Variants in LRCH3 observed in about 807,000 individuals in gnomAD.
LRCH3 encodes DISP complex protein LRCH3.
In LRCH3, 68 loss-of-function variants were observed where a neutral mutation model predicts 104.5. That is an observed-to-expected ratio of 0.65 (90% CI 0.54 to 0.80). The LOEUF is 0.80. LRCH3 is among the 30% of genes least tolerant of loss of function. LRCH3 has a pLI of 0.00. For synonymous variants in LRCH3, 344 were observed against 361.3 expected, an observed-to-expected ratio of 0.95 and a Z score of 0.54; for missense variants, 951 against 953.9, an observed-to-expected ratio of 1.00 and a Z score of 0.04.
intron 1 of LRCH3, among the ~76,000 whole-genome samples, chr3:197,812,135 T>G (rs907726057): frequency 6.6e-6 from 1 of 152,222 alleles, no homozygotes; most frequent in African/African-American, 2.4e-5. Flanking sequence ...AGAACTTTTT[T>G]CATTATCCCA....
At chr3:197,882,571 A>G (rs1324928341) in intron 20 of LRCH3, 1 of 958,320 alleles carries the variant, frequency 1.0e-6, no homozygotes. Flanking sequence ...ACAAACATAT[A>G]TAATCTTTTT....
In LRCH3 at chr3:197,835,802, C is replaced by T. The variant is rs773498873; in HGVS notation, c.1231C>T (p.Gln411Ter). 8 of 1,614,132 alleles carry T rather than the reference C, an allele frequency of 5.0e-6. No individual in the cohort carries two copies. The highest frequency in any genetic ancestry group is 6.8e-6 in the Non-Finnish European group (8 of 1,180,000). ...TTCACAGTTTATGGCGTATATTGAACAGCGGCGAATCTCTCATGAGGTAGT... is the reference window on the plus strand; with the variant it reads ...TTCACAGTTTATGGCGTATATTGAATAGCGGCGAATCTCTCATGAGGTAGT... ...LSSQFMAYIE[Q>*]RRISHEGSPV... The change falls in exon 9 of 21, where the codon CAG becomes TAG. Residue 411 changes from glutamine (Q) to a stop codon, truncating the protein, a stop_gained. Coordinates refer to ENST00000425562, the MANE Select transcript of LRCH3 (RefSeq NM_001365715.1). LOFTEE classifies it high-confidence loss of function.
rs1183140285 is a variant in LRCH3, at chr3:197,810,589, T to C, written c.263-4319T>C. Among the ~76,000 whole-genome samples, 1 of 152,212 alleles carries C rather than the reference T, an allele frequency of 6.6e-6. No homozygotes were observed. On this transcript the variant is annotated intron_variant, in intron 1 of 20. Transcript: ENST00000425562. The surrounding 1 kb of genome is among the most constrained non-coding windows in gnomAD (Gnocchi z 4.0). Reference sequence around the variant, plus strand: ...TCTTCTCTCAACCTTTTATCTGTTTTATGTATATTATCTCGGGTTTTTAGT... The same window carrying C: ...TCTTCTCTCAACCTTTTATCTGTTTCATGTATATTATCTCGGGTTTTTAGT...
intron 13 of LRCH3, among the ~76,000 whole-genome samples, chr3:197,853,645 G>A (rs1739918007): frequency 6.6e-6 from 1 of 152,212 alleles, no homozygotes; most frequent in Non-Finnish European, 1.5e-5. Flanking sequence ...TTAAAGCACA[G>A]GAGTTTCTGG....
rs1307390691 is a variant in LRCH3, at chr3:197,886,895, C to T, written c.*3229C>T. On this transcript the variant is annotated 3_prime_UTR_variant, in exon 21 of 21. Transcript: ENST00000425562. ...ACATTACATAATGCAATACTTGCAA[C>T]ATTTGCAACTAATTTTCCCATAGGG... 1 of 150,348 alleles carries T rather than the reference C, an allele frequency of 6.7e-6. No homozygotes were observed. The highest frequency in any genetic ancestry group is 1.5e-5 in the Non-Finnish European group (1 of 67,766). 9.3% of individuals were successfully genotyped at this position (150,348 alleles called of 1,614,324 possible). A position where few individuals can be genotyped will look rare whatever the true frequency, so the allele number is the denominator to read the frequency against.
chr3:197,880,091 G>T (rs1015218406), intron 20 of LRCH3, among the ~76,000 whole-genome samples: 8 of 151,002 alleles, frequency 5.3e-5, no homozygotes, highest in African/African-American at 1.7e-4. Context: ...GACTACAGGC[G>T]CCCGCCACCA....
At chr3:197,858,994 T>C (rs1740587148) in intron 15 of LRCH3, 89 bp downstream of exon 15, 2 of 911,484 alleles carry the variant, frequency 2.2e-6, no homozygotes, top group Non-Finnish European at 3.7e-6. Flanking sequence ...TCTAACAATC[T>C]GAAATATAGG....
At chr3:197,867,983 G>A (rs899008963) in intron 17 of LRCH3, among the ~76,000 whole-genome samples, 10 of 152,024 alleles carry the variant, frequency 6.6e-5, no homozygotes, top group Admixed American at 3.9e-4. Flanking sequence ...AAGATTGCGC[G>A]ATTGCACTCC....
At chr3:197,817,346 CTGTGTG>C in intron 3 of LRCH3, 44 bp downstream of exon 3, 1 of 258,926 alleles carries the variant, frequency 3.9e-6, no homozygotes. Flanking sequence ...GTGTGTGTGT[CTGTGTG>C]TGTGTGTGTA....
In LRCH3 at chr3:197,854,526, A is replaced by G; in HGVS notation, c.1644+81A>G. 8.0e-7 allele frequency: 1 copy of G among 1,256,478 alleles called. No homozygotes were observed. The highest frequency in any genetic ancestry group is 1.7e-5 in the Admixed American group (1 of 58,962). 77.8% of individuals were successfully genotyped at this position (1,256,478 alleles called of 1,614,324 possible). On this transcript the variant is annotated intron_variant, in intron 14 of 20. Transcript: ENST00000425562. This position sits in a 1 kb window ranked among gnomAD's most constrained non-coding sequence, Gnocchi z 4.5. ...TTTATTCAGAAACTATCTAAATACCATAAAACATGATGAACATCATTACTA... is the reference window on the plus strand; with the variant it reads ...TTTATTCAGAAACTATCTAAATACCGTAAAACATGATGAACATCATTACTA...
chr3:197,791,795 C>T (rs1730550432), intron 1 of LRCH3, among the ~76,000 whole-genome samples: 1 of 152,160 alleles, frequency 6.6e-6, no homozygotes, highest in Admixed American at 6.5e-5. Flanking sequence ...TTTAGGCTTT[C>T]TGAGGAAAAT....
At chr3:197,831,072 C>T (rs1407602393) in intron 7 of LRCH3, 1 of 450,574 alleles carries the variant, frequency 2.2e-6, no homozygotes, top group Non-Finnish European at 4.0e-6. Flanking sequence ...CCTGTTTCCT[C>T]ATTGCCTCAT....
intron 10 of LRCH3, among the ~76,000 whole-genome samples, chr3:197,845,626 T>A (rs1738558846): frequency 2.0e-5 from 3 of 151,700 alleles, no homozygotes; most frequent in Admixed American, 6.6e-5. Flanking sequence ...GAAAAGCGGC[T>A]GGGCATGGTG....
intron 9 of LRCH3, among the ~76,000 whole-genome samples, chr3:197,836,163 A>G (rs1214486030): frequency 6.6e-6 from 1 of 152,250 alleles, no homozygotes; most frequent in Non-Finnish European, 1.5e-5. Flanking sequence ...TATTGTTACT[A>G]ACTGATAAAT....
chr3:197,829,566 AT>A lies in LRCH3; in HGVS notation c.781del (p.Cys261ValfsTer2). ...TACATCTGTGTGACTTTATTTAGATATGTATAAAAGGCAAAGTCCACATATT... is the reference window on the plus strand; with the variant it reads ...TACATCTGTGTGACTTTATTTAGATAGTATAAAAGGCAAAGTCCACATATT... ...NPLQSPPAQI[C>X]IKGKVHIFKY... On this transcript the variant is annotated frameshift_variant, in exon 6 of 21. Transcript: ENST00000425562. LOFTEE classifies it high-confidence loss of function. 1 of 1,600,346 alleles carries A rather than the reference AT, an allele frequency of 6.2e-7. No individual in the cohort carries two copies.
intron 1 of LRCH3, among the ~76,000 whole-genome samples, chr3:197,805,915 G>T (rs1224885537): frequency 6.6e-6 from 1 of 151,684 alleles, no homozygotes; most frequent in Non-Finnish European, 1.5e-5. Flanking sequence ...AATGTTATGG[G>T]TTTTTTTTGT....
chr3:197,881,095 T>C, intron 20 of LRCH3: 1 of 1,055,294 alleles, frequency 9.5e-7, no homozygotes, highest in Non-Finnish European at 1.2e-6. Flanking sequence ...TGGCCATTTT[T>C]CCGTGCCTCA....
At chr3:197,879,451 CCTGGCTAACAT>C (rs1713323818) in intron 20 of LRCH3, among the ~76,000 whole-genome samples, 1 of 151,166 alleles carries the variant, frequency 6.6e-6, no homozygotes, top group South Asian at 2.1e-4. Context: ...TCGAGACCAT[CCTGGCTAACAT>C]GGTGAAACCC....
intron 20 of LRCH3, chr3:197,881,193 C>T: frequency 6.0e-6 from 6 of 1,006,362 alleles, no homozygotes; most frequent in South Asian, 4.2e-5. Flanking sequence ...TTTGGCCGCA[C>T]CCGGTTACTT....
Sources: gnomAD v4.1 joint callset for allele counts (sites outside exome capture counted in the v4.1 genomes callset) on GRCh38, gnomAD v4.1.1 for gene constraint, Gnocchi (gnomAD v3.1) non-coding constraint, MANE v1.5 for transcripts, NCBI Gene and HGNC (gene_info 2026-07-23, HGNC 2026-07-21) for gene names.